ZNF347: variants seen among roughly 807,000 people sequenced by gnomAD.
ZNF347 encodes zinc finger protein 347, also known as CTD-2620I22.7.
A neutral mutation model predicts 12.9 loss-of-function variants in ZNF347; 19 were observed. The observed-to-expected ratio is 1.47, with a 90% confidence interval of 1.03 to 2.16. ZNF347 has a LOEUF of 2.16. Ranked by LOEUF, ZNF347 falls within the 30% of genes most tolerant of loss-of-function variation. ZNF347 has a pLI of 0.00. For missense variants in ZNF347, 1,005 were observed against 990.6 expected, an observed-to-expected ratio of 1.01 and a Z score of -0.19; for synonymous variants, 328 against 340.6, an observed-to-expected ratio of 0.96 and a Z score of 0.41.
intron 4 of ZNF347, among the ~76,000 whole-genome samples, chr19:53,144,165 C>T (rs1490164207): frequency 5.3e-5 from 8 of 152,072 alleles, no homozygotes; most frequent in Non-Finnish European, 1.2e-4. Context: ...ACTAAATTTT[C>T]CAATTACAAG....
rs917851223 is a variant in ZNF347 at position 53,135,722 on chromosome 19, G to A, written c.*4586C>T. 3.9e-5 allele frequency: 6 copies of A among 152,122 alleles called. No homozygotes were observed. The highest frequency in any genetic ancestry group is 1.4e-4 in the African/African-American group (6 of 41,418). 9.4% of individuals were successfully genotyped at this position (152,122 alleles called of 1,614,324 possible). A position where few individuals can be genotyped will look rare whatever the true frequency, so the allele number is the denominator to read the frequency against. ...TCCTAAGTTTCCTCACCTCTGAAAT[G>A]AGAATATCATTAATACTTATTTCAG... On this transcript the variant is annotated 3_prime_UTR_variant, in exon 5 of 5. Transcript: ENST00000334197.
Position 53,136,795 on chromosome 19 carries a change from A to G in ZNF347, c.*3513T>C, listed in dbSNP as rs2090390031. On this transcript the variant is annotated 3_prime_UTR_variant, in exon 5 of 5. Coordinates refer to ENST00000334197, the MANE Select transcript of ZNF347 (RefSeq NM_032584.3). Reference sequence around the variant, plus strand: ...CATTTCACAAATATTTTCAAGAATGACGTTGTGTAATGGGCCCTATGGGTT... The same window carrying G: ...CATTTCACAAATATTTTCAAGAATGGCGTTGTGTAATGGGCCCTATGGGTT... The G allele has an allele frequency of 6.6e-6, 1 of 152,230 alleles. No homozygotes were observed. 9.4% of individuals were successfully genotyped at this position (152,230 alleles called of 1,614,324 possible). A position where few individuals can be genotyped will look rare whatever the true frequency, so the allele number is the denominator to read the frequency against.
At chr19:53,143,931 G>A (rs1247250003) in intron 4 of ZNF347, among the ~76,000 whole-genome samples, 1 of 152,158 alleles carries the variant, frequency 6.6e-6, no homozygotes, top group Non-Finnish European at 1.5e-5. Context: ...TAACTGGTGT[G>A]AGACGTAAGC....
chr19:53,155,882 G>C (rs2090530528), intron 1 of ZNF347, among the ~76,000 whole-genome samples: 1 of 152,088 alleles, frequency 6.6e-6, no homozygotes, highest in African/African-American at 2.4e-5. Context: ...CTGACAGGTG[G>C]GTGGGCCACT....
chr19:53,136,064 G>A lies in ZNF347; in HGVS notation c.*4244C>T, dbSNP rs1210824964. The A allele has an allele frequency of 2.6e-5, 4 of 151,706 alleles. No individual in the cohort carries two copies. The highest frequency in any genetic ancestry group is 5.9e-5 in the Non-Finnish European group (4 of 67,986). The allele number at this position is 151,706 out of a possible 1,614,324, so 9.4% of individuals were successfully genotyped here. A position where few individuals can be genotyped will look rare whatever the true frequency, so the allele number is the denominator to read the frequency against. The stretch of plus-strand genomic sequence containing the variant: ...CATAAATGATAATTAATATCTTGGG[G>A]ACTCTCTTATTAACTGTATTTTCAT... On this transcript the variant is annotated 3_prime_UTR_variant, in exon 5 of 5. Coordinates refer to ENST00000334197, the MANE Select transcript of ZNF347 (RefSeq NM_032584.3).
Position 53,141,789 on chromosome 19 carries a change from A to C in ZNF347, c.1039T>G (p.Cys347Gly). The change falls in exon 5 of 5, where the codon TGT (cysteine) becomes GGT (glycine). Residue 347 changes from cysteine (C) to glycine (G), a missense_variant. Cys to Gly is a radical substitution (Grantham distance 159). Coordinates refer to ENST00000334197, the MANE Select transcript of ZNF347 (RefSeq NM_032584.3). ...GTGAAGACCTTGCCACATTCGTTAC[A>C]TTTATAAGGTTTCTCTCCAGTGTGA... Reference protein sequence around the residue: ...KIHTGEKPYKCNECGKVFTQN... With the variant: ...KIHTGEKPYKGNECGKVFTQN... The C allele has an allele frequency of 6.2e-7, 1 of 1,613,792 alleles. No homozygotes were observed. Among genetic ancestry groups the C allele is most frequent in the Non-Finnish European group, 8.5e-7 (1 of 1,179,914 alleles).
rs2090397737 is a variant in ZNF347 at position 53,138,249 on chromosome 19, G to A, written c.*2059C>T. The A allele has an allele frequency of 6.6e-6, 1 of 152,184 alleles. No homozygotes were observed. Among genetic ancestry groups the A allele is most frequent in the African/African-American group, 2.4e-5 (1 of 41,422 alleles). The allele number at this position is 152,184 out of a possible 1,614,324, so 9.4% of individuals were successfully genotyped here. ...CCTGCCTCAGTCTCCCTGAGGAGCT[G>A]GGACTACAGGCATGAGCCACCCTGC... is the stretch of plus-strand genomic sequence containing the variant. On this transcript the variant is annotated 3_prime_UTR_variant, in exon 5 of 5. Transcript: ENST00000334197.
intron 1 of ZNF347, among the ~76,000 whole-genome samples, chr19:53,155,444 C>CA (rs2090527151): frequency 6.6e-6 from 1 of 151,878 alleles, no homozygotes; most frequent in African/African-American, 2.4e-5. Context: ...GCGATTCTCT[C>CA]ACCTCAGCCT....
In ZNF347 at chr19:53,135,123, G is replaced by A. The variant is rs980326534; in HGVS notation, c.*5185C>T. ...TTTGTCTTTGCAACCAGACAACATG[G>A]ATTCAAATCTCGATTCTGCCTCTTA... On this transcript the variant is annotated 3_prime_UTR_variant, in exon 5 of 5. Coordinates refer to ENST00000334197, the MANE Select transcript of ZNF347 (RefSeq NM_032584.3). The A allele has an allele frequency of 3.9e-5, 6 of 151,902 alleles. No homozygotes were observed. The highest frequency in any genetic ancestry group is 2.0e-4 in the Admixed American group (3 of 15,232). The allele number at this position is 151,902 out of a possible 1,614,324, so 9.4% of individuals were successfully genotyped here. A position where few individuals can be genotyped will look rare whatever the true frequency, so the allele number is the denominator to read the frequency against.
chr19:53,154,330 A>G (rs529075864), intron 1 of ZNF347, among the ~76,000 whole-genome samples: 1 of 151,978 alleles, frequency 6.6e-6, no homozygotes, highest in East Asian at 1.9e-4. Context: ...AAAAAAAAAA[A>G]GTAATAAATT....
intron 1 of ZNF347, among the ~76,000 whole-genome samples, chr19:53,158,463 T>G (rs1599863565): frequency 6.6e-6 from 1 of 150,578 alleles, no homozygotes; most frequent in Admixed American, 6.6e-5. Flanking sequence ...GGAGGAGGGG[T>G]CAGGAAAGGG....
chr19:53,138,504 T>C lies in ZNF347; in HGVS notation c.*1804A>G, dbSNP rs980100439. ...AGCACACAAGCATGTAAAAATATAA[T>C]ATGGTATATATTCACCAACACTGTG... On this transcript the variant is annotated 3_prime_UTR_variant, in exon 5 of 5. Transcript: ENST00000334197. 2.0e-5 allele frequency: 3 copies of C among 152,176 alleles called. No individual in the cohort carries two copies. The highest frequency in any genetic ancestry group is 1.3e-4 in the Admixed American group (2 of 15,276). The allele number at this position is 152,176 out of a possible 1,614,324, so 9.4% of individuals were successfully genotyped here.
rs200994895 is a variant in ZNF347, at chr19:53,140,548, A to T, written c.2280T>A (p.Thr760=). ...SHLARHRGIH[T]GEKPYKCNEC... The stretch of plus-strand genomic sequence containing the variant: ...CATTACACTTGTAAGGTTTCTCTCC[A>T]GTATGAATTCCCCGATGTCTTGCAA... The change falls in exon 5 of 5, where the codon ACT becomes ACA. Residue 760 remains threonine, a synonymous_variant. Transcript: ENST00000334197. The T allele has an allele frequency of 1.2e-6, 2 of 1,613,944 alleles. No individual in the cohort carries two copies. Among genetic ancestry groups the T allele is most frequent in the East Asian group, 4.5e-5 (2 of 44,878 alleles).
chr19:53,135,341 G>GAC lies in ZNF347; in HGVS notation c.*4966_*4967insGT, dbSNP rs2090382099. On this transcript the variant is annotated 3_prime_UTR_variant, in exon 5 of 5. Coordinates refer to ENST00000334197, the MANE Select transcript of ZNF347 (RefSeq NM_032584.3). Reference sequence around the variant, plus strand: ...ATATATATATATATATATATATATAGAGAGAGAGAGAGAGAGAGAGAGAGA... The same window carrying GAC: ...ATATATATATATATATATATATATAGACAGAGAGAGAGAGAGAGAGAGAGAGA... 4 of 98,094 alleles carry GAC rather than the reference G, an allele frequency of 4.1e-5. No individual in the cohort carries two copies. The highest frequency in any genetic ancestry group is 8.5e-5 in the Non-Finnish European group (4 of 47,150). 6.1% of individuals were successfully genotyped at this position (98,094 alleles called of 1,614,324 possible). A position where few individuals can be genotyped will look rare whatever the true frequency, so the allele number is the denominator to read the frequency against.
chr19:53,147,587 G>T (rs907419187), intron 4 of ZNF347, among the ~76,000 whole-genome samples: 4 of 150,598 alleles, frequency 2.7e-5, no homozygotes, highest in East Asian at 1.9e-4. Flanking sequence ...TAATAATAAA[G>T]AAAGAAAAGA....
At chr19:53,154,361 C>T (rs149346475) in intron 1 of ZNF347, among the ~76,000 whole-genome samples, 126 of 152,060 alleles carry the variant, frequency 8.3e-4, no homozygotes, top group African/African-American at 2.9e-3. Flanking sequence ...CGGTCACTCA[C>T]GTCTTGTAAC....
intron 4 of ZNF347, 37 bp downstream of exon 4, chr19:53,148,644 A>G: frequency 6.3e-7 from 1 of 1,591,614 alleles, no homozygotes; most frequent in South Asian, 1.1e-5. Flanking sequence ...AACACTATTT[A>G]ATAAACGGCA....
chr19:53,141,220 A>G lies in ZNF347; in HGVS notation c.1608T>C (p.Thr536=), dbSNP rs762935918. 2 of 1,608,500 alleles carry G rather than the reference A, an allele frequency of 1.2e-6. No individual in the cohort carries two copies. Among genetic ancestry groups the G allele is most frequent in the South Asian group, 2.2e-5 (2 of 91,002 alleles). The stretch of plus-strand genomic sequence containing the variant: ...CATTACACATATAAGGCTTCACTCC[A>G]GTATGAATTCTTTGATGATTTGCAA... ...SHLANHQRIH[T]GVKPYMCNEC... The change falls in exon 5 of 5, where the codon ACT becomes ACC. Residue 536 remains threonine (T), a synonymous_variant. Transcript: ENST00000334197.
rs2090407787 is a variant in ZNF347, at chr19:53,139,756, T to C, written c.*552A>G. On this transcript the variant is annotated 3_prime_UTR_variant, in exon 5 of 5. Coordinates refer to ENST00000334197, the MANE Select transcript of ZNF347 (RefSeq NM_032584.3). Reference sequence around the variant, plus strand: ...ATTACATTTGTGTGGTTCCATCAAATACGTAGATTTTAATGCCTGCAAAGC... The same window carrying C: ...ATTACATTTGTGTGGTTCCATCAAACACGTAGATTTTAATGCCTGCAAAGC... 6.5e-6 allele frequency: 1 copy of C among 152,960 alleles called. No individual in the cohort carries two copies. The highest frequency in any genetic ancestry group is 1.5e-5 in the Non-Finnish European group (1 of 68,616). 9.5% of individuals were successfully genotyped at this position (152,960 alleles called of 1,614,324 possible). A position where few individuals can be genotyped will look rare whatever the true frequency, so the allele number is the denominator to read the frequency against.
Sources: gnomAD v4.1 joint callset for allele counts (sites outside exome capture counted in the v4.1 genomes callset) on GRCh38, gnomAD v4.1.1 for gene constraint, MANE v1.5 for transcripts, NCBI Gene and HGNC (gene_info 2026-07-23, HGNC 2026-07-21) for gene names.